SLC6A9: variants seen among roughly 807,000 people sequenced by gnomAD.
The protein encoded by SLC6A9 is sodium- and chloride-dependent glycine transporter 1.
SLC6A9 carries 31 observed loss-of-function variants against 70.9 expected under a neutral mutation model. That is an observed-to-expected ratio of 0.44 (90% CI 0.33 to 0.59). SLC6A9 has a LOEUF of 0.59. Among genes scored for constraint, SLC6A9 ranks in the 20% least tolerant of loss-of-function variants. The pLI is 0.04. For missense variants in SLC6A9, 631 were observed against 845.2 expected (o/e 0.75, Z 3.14); for synonymous variants, 310 against 341.3 (o/e 0.91, Z 1.01).
At chr1:44,030,319 C>G (rs1339663962) in intron 1 of SLC6A9, 1 of 152,258 alleles carries the variant, frequency 6.6e-6, no homozygotes, top group East Asian at 1.9e-4. Context: ...GCCCCCGGCC[C>G]CTGCGGTGGA....
At chr1:44,006,058 C>T (rs1408303220) in intron 5 of SLC6A9, among the ~76,000 whole-genome samples, 2 of 152,230 alleles carry the variant, frequency 1.3e-5, no homozygotes, top group Non-Finnish European at 2.9e-5. Context: ...GGACAACCAC[C>T]ACTGGAGCAT....
chr1:44,020,872 G>T (rs749592578), intron 2 of SLC6A9, among the ~76,000 whole-genome samples: 1 of 152,218 alleles, frequency 6.6e-6, no homozygotes, highest in Non-Finnish European at 1.5e-5. Context: ...TGGACACTCT[G>T]GCACCCAGAA....
At chr1:44,000,191 G>T (rs1025972169) in intron 12 of SLC6A9, among the ~76,000 whole-genome samples, 1 of 152,226 alleles carries the variant, frequency 6.6e-6, no homozygotes, top group Non-Finnish European at 1.5e-5. Flanking sequence ...CTGCTTCCTT[G>T]CCATGGTGGA....
chr1:44,002,355 A>G lies in SLC6A9; in HGVS notation c.920T>C (p.Ile307Thr). 6.2e-7 allele frequency: 1 copy of G among 1,614,070 alleles called. No homozygotes were observed. The highest frequency in any genetic ancestry group is 8.5e-7 in the Non-Finnish European group (1 of 1,179,958). Residue 307 changes from isoleucine to threonine, a missense_variant, in exon 8 of 14, where the codon ATC (isoleucine) becomes ACC (threonine). Transcript: ENST00000372310. This position sits in a 1 kb window ranked among gnomAD's most constrained non-coding sequence, Gnocchi z 5.5. ...YSLGCAWGGLITMASYNKFHN... is the reference protein window; with the variant it reads ...YSLGCAWGGLTTMASYNKFHN... ...GAACTTGTTGTAGGAAGCCATGGTG[A>G]TGAGGCCTCCCCACGCGCAGCCCAG...
At chr1:44,030,081 A>C (rs956755474) in intron 1 of SLC6A9, among the ~76,000 whole-genome samples, 4 of 151,966 alleles carry the variant, frequency 2.6e-5, no homozygotes, top group Non-Finnish European at 4.4e-5. Context: ...TGCGGAGAGC[A>C]GGCCCGAAAG....
chr1:44,026,186 G>A (rs2086980055), intron 1 of SLC6A9, among the ~76,000 whole-genome samples: 1 of 152,184 alleles, frequency 6.6e-6, no homozygotes, highest in South Asian at 2.1e-4. Flanking sequence ...GGTCTTCTGG[G>A]GGCAAGTAGG....
At chr1:44,008,273 A>C in intron 5 of SLC6A9, 80 bp downstream of exon 5, 1 of 1,429,752 alleles carries the variant, frequency 7.0e-7, no homozygotes. Flanking sequence ...CAGGCACCCT[A>C]CTTTGTCTTC....
Position 44,000,881 on chromosome 1 carries a change from G to A in SLC6A9, c.1436-14C>T. On this transcript the variant is annotated splice_polypyrimidine_tract_variant and intron_variant, in intron 11 of 13. Coordinates refer to ENST00000372310, the MANE Select transcript of SLC6A9 (RefSeq NM_001024845.3). ...AGTTCCGGTGCCCTGGAGAGATGGG[G>A]GGTCAGCAGACCCGCAGGACAGAGT... The A allele has an allele frequency of 1.2e-6, 2 of 1,600,292 alleles. No individual in the cohort carries two copies. The highest frequency in any genetic ancestry group is 1.7e-6 in the Non-Finnish European group (2 of 1,172,282).
Position 44,001,039 on chromosome 1 carries a change from A to G in SLC6A9, c.1352T>C (p.Leu451Pro). Residue 451 changes from leucine to proline, a missense_variant, in exon 11 of 14, where the codon CTG (leucine) becomes CCG (proline). By Grantham distance (98) the Leu-to-Pro change is moderately conservative. Transcript: ENST00000372310. ...GGCCGCATAGTTGTCCATCAGCAGC[A>G]GCCAATAGATGCCTGCCTGGGGAAC... The part of the protein sequence containing the change: ...PLTSQAGIYW[L>P]LLMDNYAASF... The G allele has an allele frequency of 6.3e-7, 1 of 1,583,646 alleles. No homozygotes were observed. The highest frequency in any genetic ancestry group is 8.6e-7 in the Non-Finnish European group (1 of 1,163,546).
chr1:44,017,947 G>A (rs2086803464), intron 2 of SLC6A9, among the ~76,000 whole-genome samples: 1 of 152,182 alleles, frequency 6.6e-6, no homozygotes, highest in Non-Finnish European at 1.5e-5. Flanking sequence ...AGGTCCAGTG[G>A]TGTCGTCACC....
chr1:43,998,804 T>A (rs1267646017), intron 12 of SLC6A9, among the ~76,000 whole-genome samples: 1 of 152,138 alleles, frequency 6.6e-6, no homozygotes, highest in Non-Finnish European at 1.5e-5. Flanking sequence ...ACATTCAGCC[T>A]GGGGAAGCTC....
chr1:44,003,748 CAAAAAA>C (rs34308293), intron 5 of SLC6A9, among the ~76,000 whole-genome samples: 1 of 71,962 alleles, frequency 1.4e-5, no homozygotes. Context: ...AGTCCAATCT[CAAAAAA>C]AAAAAAAAAA....
chr1:44,000,793 G>T lies in SLC6A9; in HGVS notation c.1510C>A (p.Arg504Ser). ...PPPLFFQICW[R>S]FVSPAIIFFI... is the part of the protein sequence containing the mutation. Reference sequence around the variant, plus strand: ...AAGATGATGGCGGGAGAGACGAAGCGCCAGCAGATCTGAAAGAAGAGGGGT... The same window carrying T: ...AAGATGATGGCGGGAGAGACGAAGCTCCAGCAGATCTGAAAGAAGAGGGGT... Residue 504 changes from arginine (R) to serine (S), a missense_variant, in exon 12 of 14, where the codon CGC becomes AGC. Arg to Ser is a moderately radical substitution (Grantham distance 110, BLOSUM62 -1). Coordinates refer to ENST00000372310, the MANE Select transcript of SLC6A9 (RefSeq NM_001024845.3). 6.2e-7 allele frequency: 1 copy of T among 1,610,768 alleles called. No homozygotes were observed. Among genetic ancestry groups the T allele is most frequent in the South Asian group, 1.1e-5 (1 of 90,594 alleles).
In SLC6A9 at chr1:43,997,838, C is replaced by G; in HGVS notation, c.1707+17G>C. 2 of 1,596,898 alleles carry G rather than the reference C, an allele frequency of 1.3e-6. No homozygotes were observed. Among genetic ancestry groups the G allele is most frequent in the South Asian group, 2.2e-5 (2 of 89,238 alleles). ...CCTCCCATTTTGCCTGGCTACCCAG[C>G]CTGTCCCTGCCCTCACCTGGAGGAG... On this transcript the variant is annotated intron_variant, in intron 13 of 13. Coordinates refer to ENST00000372310, the MANE Select transcript of SLC6A9 (RefSeq NM_001024845.3). The surrounding 1 kb of genome is among the most constrained non-coding windows in gnomAD (Gnocchi z 4.4).
In SLC6A9 at chr1:44,000,896, C is replaced by T. The variant is rs745307511; in HGVS notation, c.1436-29G>A. Reference sequence around the variant, plus strand: ...GAGAGATGGGGGGTCAGCAGACCCGCAGGACAGAGTGGGCGGGCCAAGGGC... The same window carrying T: ...GAGAGATGGGGGGTCAGCAGACCCGTAGGACAGAGTGGGCGGGCCAAGGGC... On this transcript the variant is annotated intron_variant, in intron 11 of 13. Transcript: ENST00000372310. 14 of 1,598,736 alleles carry T rather than the reference C, an allele frequency of 8.8e-6. No individual in the cohort carries two copies. In the East Asian group the frequency reaches 1.6e-4, roughly 18 times the overall value.
intron 2 of SLC6A9, chr1:44,016,404 T>C (rs1162499860): frequency 6.6e-6 from 1 of 152,454 alleles, no homozygotes; most frequent in Non-Finnish European, 1.5e-5. Context: ...CTTTTGAAGG[T>C]CAAGTCAGGA....
rs764917126 is a variant in SLC6A9 at position 44,002,948 on chromosome 1, A to C, written c.628T>G (p.Phe210Val). The C allele has an allele frequency of 2.5e-6, 4 of 1,614,088 alleles. No individual in the cohort carries two copies. The South Asian group carries it at 4.4e-5, about 18-fold the overall frequency. ...AGGAGGGGCAGCCGCACCTCCCCAA[A>C]GTTCCCAATGTCATCTGACAGCTTC... ...VLKLSDDIGNFGEVRLPLLGC... is the reference protein window; with the variant it reads ...VLKLSDDIGNVGEVRLPLLGC... The change falls in exon 6 of 14, where the codon TTT (phenylalanine) becomes GTT (valine). Residue 210 changes from phenylalanine (F) to valine (V), a missense_variant. By Grantham distance (50) the Phe-to-Val change is conservative (BLOSUM62 -1). Coordinates refer to ENST00000372310, the MANE Select transcript of SLC6A9 (RefSeq NM_001024845.3). The surrounding 1 kb of genome is among the most constrained non-coding windows in gnomAD (Gnocchi z 5.5).
intron 4 of SLC6A9, 110 bp from the exon 5 acceptor site, chr1:44,008,733 T>C (rs1571874818): frequency 2.4e-6 from 2 of 842,882 alleles, no homozygotes; most frequent in Non-Finnish European, 3.6e-6. Context: ...TGAGATGGAG[T>C]CTAGCTCTGT....
Position 44,018,597 on chromosome 1 carries a change from A to AAATAATAAT in SLC6A9, c.30+5642_30+5650dup, listed in dbSNP as rs143546820. Reference sequence around the variant, plus strand: ...CAGCAAGAGCAAAACTCTCTCTCTAAAATAATAATAATAATAATAATAATA... The same window carrying AAATAATAAT: ...CAGCAAGAGCAAAACTCTCTCTCTAAAATAATAATAATAATAATAATAATAATAATAATA... On this transcript the variant is annotated intron_variant, in intron 2 of 13. Coordinates refer to ENST00000372310, the MANE Select transcript of SLC6A9 (RefSeq NM_001024845.3). The surrounding 1 kb of genome is among the most constrained non-coding windows in gnomAD (Gnocchi z 4.2). 0.013 allele frequency among the ~76,000 whole-genome samples: 1,815 copies of AAATAATAAT among 142,260 alleles called. 40 individuals are homozygous for AAATAATAAT. Among genetic ancestry groups the AAATAATAAT allele is most frequent in the African/African-American group, 0.045 (1,726 of 38,180 alleles). The allele number at this position is 142,260 out of a possible 152,430, so 93.3% of individuals were successfully genotyped here. A position where few individuals can be genotyped will look rare whatever the true frequency, so the allele number is the denominator to read the frequency against.
Sources: allele counts gnomAD v4.1 joint callset (sites outside exome capture counted in the v4.1 genomes callset), GRCh38; gene constraint gnomAD v4.1.1; non-coding constraint Gnocchi (gnomAD v3.1); transcripts MANE v1.5; gene names NCBI Gene and HGNC (gene_info 2026-07-23, HGNC 2026-07-21).